The following SH3BGRL variants were observed in gnomAD, a reference collection of about 807,000 sequenced individuals.
SH3BGRL encodes SH3 domain binding glutamate rich protein like.
A neutral mutation model predicts 9.8 loss-of-function variants in SH3BGRL; 7 were observed. The ratio of observed to expected loss-of-function variants is 0.72; its 90% CI spans 0.41 to 1.35. SH3BGRL has a LOEUF of 1.35. Ranked by LOEUF, SH3BGRL falls within the 40% of genes most tolerant of loss-of-function variation. The pLI is 0.01. For missense variants in SH3BGRL, 73 were observed against 84.4 expected (o/e 0.86, Z 0.53); for synonymous variants, 36 against 29.1 (o/e 1.24, Z -0.76).
At chrX:81,283,528 A>G (rs1286860756) in intron 3 of SH3BGRL, among the ~76,000 whole-genome samples, 2 of 112,217 alleles carry the variant, frequency 1.8e-5, no homozygotes. Context: ...ACAAGTCAAT[A>G]AATGTGATGC....
At chrX:81,296,796 A>G (rs988360927) in intron 3 of SH3BGRL, among the ~76,000 whole-genome samples, 1 of 111,815 alleles carries the variant, frequency 8.9e-6, no homozygotes, top group Admixed American at 9.5e-5. Flanking sequence ...ATTTTAATGG[A>G]TAGCACATTT....
chrX:81,274,069 G>T lies in SH3BGRL; in HGVS notation c.46-2915G>T, dbSNP rs530617524. 5.4e-5 allele frequency among the ~76,000 whole-genome samples: 6 copies of T among 111,671 alleles called. No individual in the cohort carries two copies. The South Asian group carries it at 2.2e-3, about 42-fold the overall frequency. On this transcript the variant is annotated intron_variant, in intron 1 of 3. Transcript: ENST00000373212. ...TGTCCACTTGCAAATGCATTTATTT[G>T]CTGAAAAGGGTATCAATAGCCTTTT...
At chrX:81,278,819 C>T (rs1369037048) in intron 3 of SH3BGRL, among the ~76,000 whole-genome samples, 2 of 112,052 alleles carry the variant, frequency 1.8e-5, no homozygotes, top group Admixed American at 1.9e-4. Context: ...ATAGAGTCAT[C>T]CATTCAAGTT....
intron 1 of SH3BGRL, among the ~76,000 whole-genome samples, chrX:81,239,108 A>C (rs1017578155): frequency 8.9e-6 from 1 of 112,156 alleles, no homozygotes; most frequent in African/African-American, 3.2e-5. Context: ...TAACTCTTTA[A>C]TGCCCAGATG....
At chrX:81,296,156 G>A (rs867038923) in intron 3 of SH3BGRL, among the ~76,000 whole-genome samples, 3 of 110,987 alleles carry the variant, frequency 2.7e-5, no homozygotes, top group Admixed American at 9.6e-5. Context: ...TCCTCGCCTG[G>A]TGGCAGGAGA....
At chrX:81,218,001 A>G (rs2075586253) in intron 1 of SH3BGRL, among the ~76,000 whole-genome samples, 1 of 111,228 alleles carries the variant, frequency 9.0e-6, no homozygotes, top group East Asian at 2.8e-4. Context: ...TCATTATATA[A>G]TGCCCCTCTT....
At chrX:81,272,514 T>C (rs1355916386) in intron 1 of SH3BGRL, among the ~76,000 whole-genome samples, 1 of 105,479 alleles carries the variant, frequency 9.5e-6, no homozygotes, top group African/African-American at 3.5e-5. Context: ...TTTTTTTTTT[T>C]TTTTGAGACA....
At chrX:81,252,763 G>T (rs2075714700) in intron 1 of SH3BGRL, among the ~76,000 whole-genome samples, 1 of 112,394 alleles carries the variant, frequency 8.9e-6, no homozygotes, top group African/African-American at 3.2e-5. Flanking sequence ...CTTCCCACTG[G>T]ATCTTAAACA....
intron 1 of SH3BGRL, among the ~76,000 whole-genome samples, chrX:81,250,937 C>CA (rs1206184539): frequency 1.8e-5 from 2 of 111,062 alleles, no homozygotes; most frequent in Non-Finnish European, 3.8e-5. Flanking sequence ...AATACACCAT[C>CA]AGGTAGAGAG....
chrX:81,257,085 TCA>T (rs34179015), intron 1 of SH3BGRL, among the ~76,000 whole-genome samples: 24,445 of 110,622 alleles, frequency 0.22, 2,185 homozygotes, highest in East Asian at 0.69. Context: ...CCGCTATGGG[TCA>T]CAGATATGAT....
At chrX:81,263,500 G>A (rs1244233642) in intron 1 of SH3BGRL, among the ~76,000 whole-genome samples, 16 of 111,743 alleles carry the variant, frequency 1.4e-4, no homozygotes, top group Non-Finnish European at 3.0e-4. Flanking sequence ...ACCTGAAGAG[G>A]TGAAAGTACA....
rs1188220118 is a variant in SH3BGRL at position 81,202,673 on chromosome X, C to G, written c.45+428C>G. ...AAGGATGGGGGTACACATGCTGTAA[C>G]TGGTGGGGATTGAGTGGAGGCCTAC... On this transcript the variant is annotated intron_variant, in intron 1 of 3. Transcript: ENST00000373212. 4 of 490,960 alleles carry G rather than the reference C, an allele frequency of 8.1e-6. No homozygotes were observed. In the African/African-American group the frequency reaches 1.1e-4, roughly 13 times the overall value. The allele number at this position is 490,960 out of a possible 1,213,427, so 40.5% of individuals were successfully genotyped here.
chrX:81,247,457 CT>C (rs1306027637), intron 1 of SH3BGRL, among the ~76,000 whole-genome samples: 1 of 111,404 alleles, frequency 9.0e-6, no homozygotes, highest in Non-Finnish European at 1.9e-5. Flanking sequence ...ATAGATGACT[CT>C]TTTTATTTTG....
chrX:81,278,995 A>G (rs1299947844), intron 3 of SH3BGRL, among the ~76,000 whole-genome samples: 4 of 112,430 alleles, frequency 3.6e-5, no homozygotes, highest in Non-Finnish European at 7.5e-5. Context: ...TCCCCAAACT[A>G]TCAACTTTAA....
chrX:81,297,399 T>G lies in SH3BGRL; in HGVS notation c.*172T>G. 1 of 401,879 alleles carries G rather than the reference T, an allele frequency of 2.5e-6. No individual in the cohort carries two copies. The highest frequency in any genetic ancestry group is 4.7e-5 in the South Asian group (1 of 21,124). The allele number at this position is 401,879 out of a possible 1,213,427, so 33.1% of individuals were successfully genotyped here. A position where few individuals can be genotyped will look rare whatever the true frequency, so the allele number is the denominator to read the frequency against. ...ATACAAAATTAAAATTTGAACATTA[T>G]GGTGATTATGGTGAGGAGAATGGGA... On this transcript the variant is annotated 3_prime_UTR_variant, in exon 4 of 4. Coordinates refer to ENST00000373212, the MANE Select transcript of SH3BGRL (RefSeq NM_003022.3).
At chrX:81,250,406 CAAA>C (rs60249894) in intron 1 of SH3BGRL, among the ~76,000 whole-genome samples, 32 of 80,079 alleles carry the variant, frequency 4.0e-4, no homozygotes, top group African/African-American at 1.1e-3. Flanking sequence ...GACTCCGTCT[CAAA>C]AAAAAAAAAA....
chrX:81,224,798 T>G (rs2075611516), intron 1 of SH3BGRL, among the ~76,000 whole-genome samples: 1 of 111,846 alleles, frequency 8.9e-6, no homozygotes, highest in Admixed American at 9.5e-5. Flanking sequence ...GAATCATCCT[T>G]TGTTCAATCT....
chrX:81,211,611 GGGGAAGGCAGATCCA>G (rs2075564898), intron 1 of SH3BGRL, among the ~76,000 whole-genome samples: 1 of 111,069 alleles, frequency 9.0e-6, no homozygotes, highest in South Asian at 3.8e-4. Context: ...TCAGTGAGTT[GGGGAAGGCAGATCCA>G]CCCTAAATCT....
rs939179704 is a variant in SH3BGRL at position 81,204,120 on chromosome X, G to A, written c.45+1875G>A. ...ATTGTTGAAGACCATGCAAATGGCA[G>A]ATGTTTATGGTATTTGTATTTTATT... On this transcript the variant is annotated intron_variant, in intron 1 of 3. Transcript: ENST00000373212. 1.3e-4 allele frequency among the ~76,000 whole-genome samples: 15 copies of A among 111,718 alleles called. No individual in the cohort carries two copies. In the South Asian group the frequency reaches 3.4e-3, roughly 25 times the overall value.
Sources: allele counts gnomAD v4.1 joint callset (sites outside exome capture counted in the v4.1 genomes callset), GRCh38; gene constraint gnomAD v4.1.1; transcripts MANE v1.5; gene names NCBI Gene and HGNC (gene_info 2026-07-23, HGNC 2026-07-21).